SMURF2: variants seen among roughly 807,000 people sequenced by gnomAD.
The protein encoded by SMURF2 is E3 ubiquitin-protein ligase SMURF2.
SMURF2 carries 48 observed loss-of-function variants against 109.6 expected under a neutral mutation model. That is an observed-to-expected ratio of 0.44 (90% CI 0.35 to 0.56). The LOEUF (loss-of-function observed/expected upper bound fraction) is 0.56. SMURF2 is among the 20% of genes least tolerant of loss of function. The probability of loss-of-function intolerance (pLI) is 0.01; values close to 1 mark genes in which losing one functional copy is unlikely to be tolerated. For synonymous variants in SMURF2, 288 were observed against 317.1 expected, an observed-to-expected ratio of 0.91 and a Z score of 0.97; for missense variants, 575 against 909.0, an observed-to-expected ratio of 0.63 and a Z score of 4.72.
intron 1 of SMURF2, among the ~76,000 whole-genome samples, chr17:64,637,621 T>C (rs1011390305): frequency 6.6e-6 from 1 of 152,086 alleles, no homozygotes; most frequent in East Asian, 1.9e-4. Flanking sequence ...TGGAGTGTAA[T>C]AGTGCGATCT....
chr17:64,633,307 T>C (rs532412746), intron 1 of SMURF2, among the ~76,000 whole-genome samples: 2 of 152,260 alleles, frequency 1.3e-5, no homozygotes, highest in South Asian at 2.1e-4. Flanking sequence ...TCTCTACCTA[T>C]AGATTCTTCT....
chr17:64,621,922 A>G (rs1970208659), intron 1 of SMURF2, among the ~76,000 whole-genome samples: 1 of 145,876 alleles, frequency 6.9e-6, no homozygotes, highest in East Asian at 2.0e-4. Context: ...TAATAATAAT[A>G]ATAAAAAGCA....
At chr17:64,551,118 G>A (rs1969039140) in intron 16 of SMURF2, among the ~76,000 whole-genome samples, 1 of 152,124 alleles carries the variant, frequency 6.6e-6, no homozygotes, top group African/African-American at 2.4e-5. Context: ...CTAGCACTTT[G>A]GGAGGCCAAG....
intron 5 of SMURF2, among the ~76,000 whole-genome samples, chr17:64,588,067 T>C (rs1324012190): frequency 8.2e-6 from 1 of 122,218 alleles, no homozygotes; most frequent in Admixed American, 8.4e-5. Flanking sequence ...CAAGTAACAA[T>C]GCTATAGAAA....
intron 10 of SMURF2, 56 bp from the exon 11 acceptor site, chr17:64,563,022 T>C (rs1555684688): frequency 7.0e-7 from 1 of 1,424,648 alleles, no homozygotes; most frequent in African/African-American, 1.4e-5. Flanking sequence ...AAAATTGCAA[T>C]TATAGATTTA....
intron 9 of SMURF2, among the ~76,000 whole-genome samples, chr17:64,573,352 C>T (rs1204322079): frequency 6.6e-6 from 1 of 151,172 alleles, no homozygotes; most frequent in African/African-American, 2.4e-5. Flanking sequence ...TAAGTAATCA[C>T]AAATTTCATC....
chr17:64,584,070 C>T (rs369397528), intron 6 of SMURF2, among the ~76,000 whole-genome samples: 13 of 152,044 alleles, frequency 8.6e-5, no homozygotes, highest in African/African-American at 3.1e-4. Context: ...GGGAGGCTAG[C>T]ATTTTGGGAG....
intron 16 of SMURF2, among the ~76,000 whole-genome samples, chr17:64,548,073 G>C (rs1301201242): frequency 6.6e-6 from 1 of 152,164 alleles, no homozygotes; most frequent in African/African-American, 2.4e-5. Context: ...TCCAGGGTCT[G>C]AGAACCACAG....
Position 64,555,921 on chromosome 17 carries a change from A to T in SMURF2, c.1509T>A (p.Gly503=). 6.2e-7 allele frequency: 1 copy of T among 1,613,770 alleles called. No homozygotes were observed. The highest frequency in any genetic ancestry group is 8.5e-7 in the Non-Finnish European group (1 of 1,179,800). ...ATTGCTTATAAAAAGGCAATGTGAA[A>T]CCACCATCAATATAATGTCCATGAA... ...AVFHGHYIDG[G]FTLPFYKQLL... is the part of the protein sequence containing the mutation. The change falls in exon 14 of 19, where the codon GGT becomes GGA. Residue 503 remains glycine (G), a synonymous_variant. Coordinates refer to ENST00000262435, the MANE Select transcript of SMURF2 (RefSeq NM_022739.4).
chr17:64,623,476 C>G (rs536639562), intron 1 of SMURF2, among the ~76,000 whole-genome samples: 1 of 152,294 alleles, frequency 6.6e-6, no homozygotes, highest in East Asian at 1.9e-4. Flanking sequence ...GACTCCTGTT[C>G]TAACACCACT....
intron 1 of SMURF2, among the ~76,000 whole-genome samples, chr17:64,646,907 G>A (rs560455396): frequency 3.7e-4 from 57 of 152,294 alleles, no homozygotes; most frequent in African/African-American, 1.3e-3. Flanking sequence ...TTGTAAAGTG[G>A]AAGGTAGAAA....
chr17:64,564,106 C>T (rs1555684761), intron 10 of SMURF2, among the ~76,000 whole-genome samples: 1 of 152,198 alleles, frequency 6.6e-6, no homozygotes, highest in African/African-American at 2.4e-5. Context: ...AGAAGCCATT[C>T]TACTCCTAGG....
Position 64,543,664 on chromosome 17 carries a change from T to C in SMURF2, c.*2184A>G, listed in dbSNP as rs1403770638. 1 of 152,246 alleles carries C rather than the reference T, an allele frequency of 6.6e-6. No homozygotes were observed. The highest frequency in any genetic ancestry group is 1.5e-5 in the Non-Finnish European group (1 of 68,042). 9.4% of individuals were successfully genotyped at this position (152,246 alleles called of 1,614,324 possible). A position where few individuals can be genotyped will look rare whatever the true frequency, so the allele number is the denominator to read the frequency against. ...TGGTATTTGCCTGCTTTATATTGTA[T>C]ATTAAAATAAGTGATAGTAGCATTT... On this transcript the variant is annotated 3_prime_UTR_variant, in exon 19 of 19. Coordinates refer to ENST00000262435, the MANE Select transcript of SMURF2 (RefSeq NM_022739.4).
chr17:64,613,709 T>TGTGTGTGTGTGA (rs1970079036), intron 1 of SMURF2, among the ~76,000 whole-genome samples: 1 of 129,726 alleles, frequency 7.7e-6, no homozygotes, highest in South Asian at 2.5e-4. Context: ...TGTGTGTGTG[T>TGTGTGTGTGTGA]GTGTGTGTGT....
Position 64,554,750 on chromosome 17 carries a change from C to A in SMURF2, c.1748+106G>T. 3 of 1,006,358 alleles carry A rather than the reference C, an allele frequency of 3.0e-6. No homozygotes were observed. In the Admixed American group the frequency reaches 7.4e-5, roughly 25 times the overall value. The allele number at this position is 1,006,358 out of a possible 1,614,324, so 62.3% of individuals were successfully genotyped here. A position where few individuals can be genotyped will look rare whatever the true frequency, so the allele number is the denominator to read the frequency against. On this transcript the variant is annotated intron_variant, in intron 15 of 18. Coordinates refer to ENST00000262435, the MANE Select transcript of SMURF2 (RefSeq NM_022739.4). ...AATAAGCCACTAAATTCTCCTGAAG[C>A]GGATTTTGTAACACTAAGTAGTACT...
intron 1 of SMURF2, among the ~76,000 whole-genome samples, chr17:64,657,464 G>T (rs559017439): frequency 3.2e-4 from 49 of 151,812 alleles, no homozygotes; most frequent in Non-Finnish European, 6.8e-4. Context: ...GGCTGAGGCA[G>T]GAGGATCTCC....
intron 6 of SMURF2, 82 bp downstream of exon 6, chr17:64,586,004 T>C (rs1969645863): frequency 4.9e-6 from 4 of 821,040 alleles, no homozygotes; most frequent in Non-Finnish European, 5.6e-6. Context: ...CCATTTAATA[T>C]ACAATAAACA....
At chr17:64,583,758 A>G (rs1362881988) in intron 6 of SMURF2, among the ~76,000 whole-genome samples, 5 of 152,188 alleles carry the variant, frequency 3.3e-5, no homozygotes, top group African/African-American at 7.2e-5. Context: ...GGTGTAACAA[A>G]TATTTTCCAT....
At chr17:64,619,436 C>T (rs947421999) in intron 1 of SMURF2, among the ~76,000 whole-genome samples, 2 of 144,636 alleles carry the variant, frequency 1.4e-5, no homozygotes, top group Non-Finnish European at 3.0e-5. Flanking sequence ...CGAGATCATA[C>T]CACTGCACTC....
Sources: allele counts gnomAD v4.1 joint callset (sites outside exome capture counted in the v4.1 genomes callset), GRCh38; gene constraint gnomAD v4.1.1; transcripts MANE v1.5; gene names NCBI Gene and HGNC (gene_info 2026-07-23, HGNC 2026-07-21).